NRCAM: variants seen among roughly 807,000 people sequenced by gnomAD.
NRCAM encodes NgCAM-related cell adhesion molecule.
A neutral mutation model predicts 156.5 loss-of-function variants in NRCAM; 83 were observed. The observed-to-expected ratio is 0.53, with a 90% CI of 0.44 to 0.64. The LOEUF (loss-of-function observed/expected upper bound fraction) is 0.64. Ranked by LOEUF, NRCAM falls within the 30% of genes least tolerant of loss-of-function variation. The probability of loss-of-function intolerance (pLI) is 0.00; values close to 1 mark genes in which losing one functional copy is unlikely to be tolerated. For missense variants in NRCAM, 1,417 were observed against 1,597.3 expected (o/e 0.89, Z 1.92); for synonymous variants, 538 against 563.9 (o/e 0.95, Z 0.65).
In NRCAM at chr7:108,194,286, T is replaced by C; in HGVS notation, c.1606A>G (p.Asn536Asp). 6.2e-7 allele frequency: 1 copy of C among 1,612,404 alleles called. No individual in the cohort carries two copies. The change falls in exon 16 of 33, where the codon AAT (asparagine) becomes GAT (aspartate). Residue 536 changes from asparagine (N) to aspartate (D), a missense_variant. Transcript: ENST00000379028. ...CCTTTGATTTCTAAGTGAACTTCAT[T>C]CTTCGCCATCCCTAATTTATTCCTT... ...VARNKLGMAK[N>D]EVHLEIKDPT...
At chr7:108,191,597 A>C in intron 18 of NRCAM, 132 bp downstream of exon 18, 1 of 1,119,074 alleles carries the variant, frequency 8.9e-7, no homozygotes, top group Non-Finnish European at 1.2e-6. Context: ...CTTTCAAAGA[A>C]GAAAAACATG....
At chr7:108,424,626 C>G (rs1298864162) in intron 1 of NRCAM, among the ~76,000 whole-genome samples, 1 of 152,178 alleles carries the variant, frequency 6.6e-6, no homozygotes, top group Non-Finnish European at 1.5e-5. Context: ...GTCCTATCTA[C>G]ACCTGGAGTG....
At position 108,227,087 on chromosome 7, in the gene NRCAM, C is replaced by T. The variant is rs78105733; in HGVS notation, c.551-709G>A. 5.3e-3 allele frequency among the ~76,000 whole-genome samples: 807 copies of T among 152,298 alleles called. 8 individuals are homozygous for T. The highest frequency in any genetic ancestry group is 0.018 in the African/African-American group (768 of 41,560). On this transcript the variant is annotated intron_variant, in intron 8 of 32. Coordinates refer to ENST00000379028, the MANE Select transcript of NRCAM (RefSeq NM_001037132.4). ...ACATATCTACTCATCATACATATGA[C>T]TTATTGCCTATTTCCTGCACTAGAA... is the stretch of plus-strand genomic sequence containing the variant.
chr7:108,311,709 A>G (rs1302537290), intron 3 of NRCAM, among the ~76,000 whole-genome samples: 1 of 152,220 alleles, frequency 6.6e-6, no homozygotes, highest in Non-Finnish European at 1.5e-5. Flanking sequence ...ATGGAAGCAA[A>G]TTCAGCTGAG....
chr7:108,417,886 AT>A (rs1022470901), intron 1 of NRCAM, among the ~76,000 whole-genome samples: 4 of 152,226 alleles, frequency 2.6e-5, no homozygotes, highest in African/African-American at 9.7e-5. Flanking sequence ...TTAAGCTGCA[AT>A]GAATTAACAA....
At chr7:108,337,102 A>G (rs2099203371) in intron 2 of NRCAM, among the ~76,000 whole-genome samples, 1 of 151,988 alleles carries the variant, frequency 6.6e-6, no homozygotes, top group South Asian at 2.1e-4. Flanking sequence ...CATCTCTACT[A>G]AAAACAGAAA....
chr7:108,313,379 T>C (rs765162995), intron 2 of NRCAM: 1 of 152,202 alleles, frequency 6.6e-6, no homozygotes, highest in Non-Finnish European at 1.5e-5. Flanking sequence ...TTTCATTTTT[T>C]AAACAACCAA....
In NRCAM at chr7:108,191,747, C is replaced by A; in HGVS notation, c.1885G>T (p.Ala629Ser). The change falls in exon 18 of 33, where the codon GCT (alanine) becomes TCT (serine). Residue 629 changes from alanine (A) to serine (S), a missense_variant. Physicochemically the swap from Ala to Ser is moderately conservative, Grantham distance 99 (BLOSUM62 1). Transcript: ENST00000379028. ...TTCTTACCAACAACGCTAAGCACAGCGCTGGCGGAGACGCTGTCCAGAGTG... is the reference window on the plus strand; with the variant it reads ...TTCTTACCAACAACGCTAAGCACAGAGCTGGCGGAGACGCTGTCCAGAGTG... ...NTTLDSVSASAVLSVVAPTPT... is the reference protein window; with the variant it reads ...NTTLDSVSASSVLSVVAPTPT... 1.2e-6 allele frequency: 2 copies of A among 1,613,470 alleles called. No homozygotes were observed. Among genetic ancestry groups the A allele is most frequent in the Non-Finnish European group, 1.7e-6 (2 of 1,179,530 alleles).
intron 3 of NRCAM, among the ~76,000 whole-genome samples, chr7:108,257,231 C>A (rs750462095): frequency 5.3e-5 from 8 of 152,038 alleles, no homozygotes; most frequent in Non-Finnish European, 1.2e-4. Flanking sequence ...CAGGAGGGAA[C>A]TTTGTCAGTC....
intron 3 of NRCAM, among the ~76,000 whole-genome samples, chr7:108,277,839 G>T (rs1475937652): frequency 6.6e-6 from 1 of 152,136 alleles, no homozygotes; most frequent in African/African-American, 2.4e-5. Context: ...GGAATCTTCA[G>T]CCTTTCTGCT....
chr7:108,443,030 C>A (rs1470987684), intron 1 of NRCAM, among the ~76,000 whole-genome samples: 1 of 152,138 alleles, frequency 6.6e-6, no homozygotes, highest in African/African-American at 2.4e-5. Flanking sequence ...AACATATTCA[C>A]CAGGAGGAAA....
chr7:108,341,427 T>C (rs1390078107), intron 2 of NRCAM, among the ~76,000 whole-genome samples: 1 of 152,226 alleles, frequency 6.6e-6, no homozygotes, highest in Non-Finnish European at 1.5e-5. Context: ...AGTCACTTGA[T>C]ACTTCTCCCA....
At chr7:108,157,182 A>T (rs1219294488) in intron 32 of NRCAM, among the ~76,000 whole-genome samples, 1 of 152,128 alleles carries the variant, frequency 6.6e-6, no homozygotes, top group African/African-American at 2.4e-5. Flanking sequence ...AATTTATGTC[A>T]TTACATGTAT....
intron 1 of NRCAM, among the ~76,000 whole-genome samples, chr7:108,433,282 G>C (rs777233306): frequency 2.6e-5 from 4 of 152,052 alleles, no homozygotes; most frequent in Non-Finnish European, 5.9e-5. Context: ...CCAGCCTGTG[G>C]GTGTACACAC....
chr7:108,213,605 A>G (rs2086018958), intron 11 of NRCAM, among the ~76,000 whole-genome samples: 1 of 152,234 alleles, frequency 6.6e-6, no homozygotes, highest in Non-Finnish European at 1.5e-5. Context: ...ACCAAAAGCA[A>G]GCAGGGGTAG....
At chr7:108,370,974 AT>A (rs2099624832) in intron 2 of NRCAM, among the ~76,000 whole-genome samples, 1 of 152,128 alleles carries the variant, frequency 6.6e-6, no homozygotes, top group African/African-American at 2.4e-5. Context: ...CCAGAACTGG[AT>A]TTCTTCTTTA....
rs548358075 is a variant in NRCAM, at chr7:108,148,800, TTACTGAATGTAATAGAAACCA to T, written c.*1089_*1109del. On this transcript the variant is annotated 3_prime_UTR_variant, in exon 33 of 33. Coordinates refer to ENST00000379028, the MANE Select transcript of NRCAM (RefSeq NM_001037132.4). ...ATTTTCTAGCATGTTGACATCTTTC[TTACTGAATGTAATAGAAACCA>T]TAAAGGACCACAAAATCATCATGTG... 5.2e-4 allele frequency: 80 copies of T among 152,664 alleles called. No homozygotes were observed. Among genetic ancestry groups the T allele is most frequent in the African/African-American group, 1.9e-3 (79 of 41,592 alleles). The allele number at this position is 152,664 out of a possible 1,614,324, so 9.5% of individuals were successfully genotyped here. A position where few individuals can be genotyped will look rare whatever the true frequency, so the allele number is the denominator to read the frequency against.
At chr7:108,252,636 AAGAAT>A (rs1304413611) in intron 3 of NRCAM, among the ~76,000 whole-genome samples, 1 of 136,858 alleles carries the variant, frequency 7.3e-6, no homozygotes, top group Non-Finnish European at 1.6e-5. Context: ...AGTTGGTTAT[AAGAAT>A]AGGAGATAGA....
At chr7:108,418,623 A>G (rs1804949830) in intron 1 of NRCAM, among the ~76,000 whole-genome samples, 1 of 150,956 alleles carries the variant, frequency 6.6e-6, no homozygotes, top group African/African-American at 2.4e-5. Context: ...GCTATCACTA[A>G]GTATATATAT....
Sources: allele counts gnomAD v4.1 joint callset (sites outside exome capture counted in the v4.1 genomes callset), GRCh38; gene constraint gnomAD v4.1.1; transcripts MANE v1.5; gene names NCBI Gene and HGNC (gene_info 2026-07-23, HGNC 2026-07-21).